The following UBE2D2 variants were observed in gnomAD, a reference collection of about 807,000 sequenced individuals.
The protein encoded by UBE2D2 is ubiquitin-conjugating enzyme E2 D2.
Under a neutral mutation model 24.2 loss-of-function variants are expected in UBE2D2, and 2 were observed. The ratio of observed to expected loss-of-function variants is 0.08; its 90% CI spans 0.03 to 0.26. The LOEUF is 0.26. Among genes scored for constraint, UBE2D2 ranks in the 10% least tolerant of loss-of-function variants. UBE2D2 has a pLI of 1.00. For missense variants in UBE2D2, 44 were observed against 177.6 expected (o/e 0.25, Z 4.28); for synonymous variants, 58 against 56.5 (o/e 1.03, Z -0.12).
At chr5:139,581,973 T>A (rs560576003) in intron 1 of UBE2D2, among the ~76,000 whole-genome samples, 2 of 151,434 alleles carry the variant, frequency 1.3e-5, no homozygotes, top group Admixed American at 1.3e-4. Context: ...GCTGTTTTTT[T>A]GGGGTTTTTT....
chr5:139,573,154 T>C (rs1434611877), intron 1 of UBE2D2, among the ~76,000 whole-genome samples: 2 of 151,412 alleles, frequency 1.3e-5, no homozygotes, highest in Non-Finnish European at 2.9e-5. Flanking sequence ...ACAAAAAAAT[T>C]AGCCAGACGT....
At chr5:139,548,189 A>ATAAATAAAT (rs1752862035) in intron 1 of UBE2D2, among the ~76,000 whole-genome samples, 4 of 18,670 alleles carry the variant, frequency 2.1e-4, no homozygotes, top group African/African-American at 9.1e-4. Context: ...AAAAATAAAA[A>ATAAATAAAT]AAAAAAATAA....
chr5:139,544,306 A>T (rs1419905349), intron 1 of UBE2D2, among the ~76,000 whole-genome samples: 30 of 135,594 alleles, frequency 2.2e-4, no homozygotes, highest in Non-Finnish European at 3.0e-4. Context: ...TTTTTTTTTT[A>T]GACAGAGTTT....
At chr5:139,562,278 A>C (rs748766339) in intron 1 of UBE2D2, 1 of 1,356,254 alleles carries the variant, frequency 7.4e-7, no homozygotes, top group South Asian at 1.1e-5. Flanking sequence ...TCGGGCTGAC[A>C]GAGGAAGCCG....
intron 1 of UBE2D2, chr5:139,562,018 C>A: frequency 1.2e-6 from 1 of 860,044 alleles, no homozygotes; most frequent in Non-Finnish European, 1.7e-6. Flanking sequence ...CGGAGGTGCT[C>A]TCGCGGCCTC....
intron 5 of UBE2D2, among the ~76,000 whole-genome samples, 173 bp from the exon 6 acceptor site, chr5:139,623,195 A>G (rs754189627): frequency 1.9e-4 from 29 of 152,074 alleles, no homozygotes; most frequent in Non-Finnish European, 3.8e-4. Flanking sequence ...AGAAATAATA[A>G]TAATAATAAT....
At chr5:139,592,445 T>C (rs1037125277) in intron 1 of UBE2D2, among the ~76,000 whole-genome samples, 2 of 152,082 alleles carry the variant, frequency 1.3e-5, no homozygotes, top group African/African-American at 4.8e-5. Flanking sequence ...ACAGTTTGGC[T>C]CCACCTCAGA....
rs371727433 is a variant in UBE2D2, at chr5:139,582,034, G to A, written c.25-18338G>A. 2.1e-4 allele frequency among the ~76,000 whole-genome samples: 32 copies of A among 151,880 alleles called. No individual in the cohort carries two copies. In the Middle Eastern group the frequency reaches 0.01, roughly 48 times the overall value. On this transcript the variant is annotated intron_variant, in intron 1 of 6. Coordinates refer to ENST00000398733, the MANE Select transcript of UBE2D2 (RefSeq NM_003339.3). ...AGAGTCTCACTTTGTTGCCCAGGCT[G>A]GAGTGCGATGCAATAGTGTGATCAT...
At chr5:139,563,868 G>A (rs913230957) in intron 1 of UBE2D2, among the ~76,000 whole-genome samples, 15 of 152,054 alleles carry the variant, frequency 9.9e-5, no homozygotes, top group Non-Finnish European at 1.6e-4. Flanking sequence ...CGGGGAGGCG[G>A]AGCTTGCAGT....
chr5:139,587,500 G>T (rs1440291839), intron 1 of UBE2D2, among the ~76,000 whole-genome samples: 1 of 151,920 alleles, frequency 6.6e-6, no homozygotes, highest in South Asian at 2.1e-4. Context: ...CTAAGATGGC[G>T]AAACCCCGTC....
At chr5:139,622,156 A>G (rs1754524005) in intron 5 of UBE2D2, among the ~76,000 whole-genome samples, 1 of 152,172 alleles carries the variant, frequency 6.6e-6, no homozygotes, top group South Asian at 2.1e-4. Flanking sequence ...ACTTTGCACA[A>G]AGGGGCTTAT....
At chr5:139,528,893 C>T (rs1460112340) in intron 1 of UBE2D2, among the ~76,000 whole-genome samples, 4 of 152,112 alleles carry the variant, frequency 2.6e-5, no homozygotes, top group Non-Finnish European at 5.9e-5. Context: ...AGAAGCTTCG[C>T]CAACCCCTGC....
intron 1 of UBE2D2, among the ~76,000 whole-genome samples, chr5:139,537,055 T>C (rs899068979): frequency 4.0e-5 from 6 of 151,890 alleles, no homozygotes; most frequent in Admixed American, 2.0e-4. Context: ...TGGTGGCGGA[T>C]GCCTGTAGTC....
At chr5:139,590,548 A>G (rs1046070249) in intron 1 of UBE2D2, among the ~76,000 whole-genome samples, 1 of 152,100 alleles carries the variant, frequency 6.6e-6, no homozygotes. Flanking sequence ...AGAAGAGTAC[A>G]TGCCATGTAA....
At chr5:139,577,865 T>C (rs1753513287) in intron 1 of UBE2D2, among the ~76,000 whole-genome samples, 1 of 152,220 alleles carries the variant, frequency 6.6e-6, no homozygotes, top group Admixed American at 6.5e-5. Context: ...TGATTAGTGT[T>C]ACAGAAGAGG....
chr5:139,614,090 T>C (rs1277357890), intron 2 of UBE2D2, among the ~76,000 whole-genome samples: 1 of 151,324 alleles, frequency 6.6e-6, no homozygotes, highest in Admixed American at 6.6e-5. Flanking sequence ...AAGTGTATTA[T>C]ATGTAATTGT....
At chr5:139,603,627 A>C (rs1754130124) in intron 2 of UBE2D2, among the ~76,000 whole-genome samples, 1 of 147,990 alleles carries the variant, frequency 6.8e-6, no homozygotes, top group Non-Finnish European at 1.5e-5. Flanking sequence ...GTCTCCGAAA[A>C]AAAAAAAAAA....
chr5:139,549,730 C>T (rs1752882709), intron 1 of UBE2D2, among the ~76,000 whole-genome samples: 1 of 152,240 alleles, frequency 6.6e-6, no homozygotes. Context: ...AGGAGTGCAG[C>T]TGCGCAGAGC....
chr5:139,555,924 CAAAA>C (rs1168084041), intron 1 of UBE2D2, among the ~76,000 whole-genome samples: 4 of 9,298 alleles, frequency 4.3e-4, no homozygotes, highest in Admixed American at 1.8e-3. Flanking sequence ...GACTCCATCT[CAAAA>C]AAAAAAAAAA....
Sources: gnomAD v4.1 joint callset for allele counts (sites outside exome capture counted in the v4.1 genomes callset) on GRCh38, gnomAD v4.1.1 for gene constraint, MANE v1.5 for transcripts, NCBI Gene and HGNC (gene_info 2026-07-23, HGNC 2026-07-21) for gene names.